Variants in PTPRM observed in about 807,000 individuals in gnomAD.
The protein encoded by PTPRM is receptor-type tyrosine-protein phosphatase mu.
In PTPRM, 47 loss-of-function variants were observed where a neutral mutation model predicts 186.7. The ratio of observed to expected loss-of-function variants is 0.25; its 90% CI spans 0.20 to 0.32. The LOEUF is 0.32. PTPRM is among the 10% of genes least tolerant of loss of function. The probability of loss-of-function intolerance (pLI) is 1.00; values close to 1 mark genes in which losing one functional copy is unlikely to be tolerated. For missense variants in PTPRM, 1,494 were observed against 1,865.0 expected, an observed-to-expected ratio of 0.80 and a Z score of 3.66; for synonymous variants, 668 against 674.9, an observed-to-expected ratio of 0.99 and a Z score of 0.16.
chr18:8,009,618 GA>G (rs1385510229), intron 7 of PTPRM, among the ~76,000 whole-genome samples: 1 of 152,134 alleles, frequency 6.6e-6, no homozygotes, highest in Non-Finnish European at 1.5e-5. Flanking sequence ...TGAGGCAGGA[GA>G]ATCGCTTGAA....
At chr18:7,629,040 A>G (rs1198002967) in intron 1 of PTPRM, among the ~76,000 whole-genome samples, 1 of 152,206 alleles carries the variant, frequency 6.6e-6, no homozygotes, top group Non-Finnish European at 1.5e-5. Context: ...GAGAAGTATC[A>G]TGGAACCACT....
chr18:8,386,856 A>G lies in PTPRM; in HGVS notation c.4045-216A>G, dbSNP rs909887615. ...AAGCATTCTGCCTCACTGGCCTGTC[A>G]TTTGTCTGGCCTGTCATTTAAAACC... is the stretch of plus-strand genomic sequence containing the variant. On this transcript the variant is annotated intron_variant, in intron 30 of 32. Coordinates refer to ENST00000580170, the MANE Select transcript of PTPRM (RefSeq NM_001105244.2). Among the ~76,000 whole-genome samples, 7 of 152,016 alleles carry G rather than the reference A, an allele frequency of 4.6e-5. No individual in the cohort carries two copies. The East Asian group carries it at 9.6e-4, about 21-fold the overall frequency.
chr18:7,683,563 C>G (rs980627725), intron 1 of PTPRM, among the ~76,000 whole-genome samples: 2 of 152,096 alleles, frequency 1.3e-5, no homozygotes, highest in African/African-American at 4.8e-5. Flanking sequence ...GGGAGATTGG[C>G]ATAGGAAGTT....
At chr18:8,389,835 C>T (rs955084222) in intron 31 of PTPRM, among the ~76,000 whole-genome samples, 1 of 152,138 alleles carries the variant, frequency 6.6e-6, no homozygotes, top group Non-Finnish European at 1.5e-5. Flanking sequence ...CGCCACCTAA[C>T]GGCTGTGGGT....
intron 2 of PTPRM, among the ~76,000 whole-genome samples, chr18:7,869,690 A>G (rs1015534525): frequency 1.3e-5 from 2 of 152,200 alleles, no homozygotes; most frequent in African/African-American, 4.8e-5. Flanking sequence ...AAGCTTCCCA[A>G]GGAAAGCAAT....
intron 31 of PTPRM, among the ~76,000 whole-genome samples, chr18:8,390,223 G>A (rs1298446736): frequency 1.3e-5 from 2 of 152,242 alleles, no homozygotes; most frequent in Non-Finnish European, 2.9e-5. Context: ...ACTGCAGTGG[G>A]TGGGGAAGAC....
rs752110255 is a variant in PTPRM, at chr18:8,126,027, A to ATT, written c.2167+11203_2167+11204dup. ...TATATATATATATATATATATATAT[A>ATT]TTTTAAATCAGTAGACCTTTCCATT... On this transcript the variant is annotated intron_variant, in intron 13 of 32. Transcript: ENST00000580170. Among the ~76,000 whole-genome samples the ATT allele has an allele frequency of 1.0e-4, 7 of 69,538 alleles. 1 individual carries two copies. The highest frequency in any genetic ancestry group is 5.5e-4 in the East Asian group (1 of 1,832). 45.6% of individuals were successfully genotyped at this position (69,538 alleles called of 152,430 possible). A position where few individuals can be genotyped will look rare whatever the true frequency, so the allele number is the denominator to read the frequency against.
At chr18:8,035,581 T>C (rs890789025) in intron 7 of PTPRM, among the ~76,000 whole-genome samples, 3 of 152,308 alleles carry the variant, frequency 2.0e-5, no homozygotes, top group South Asian at 4.1e-4. Context: ...TATTGTTTTT[T>C]TCCCCCAATA....
intron 5 of PTPRM, among the ~76,000 whole-genome samples, chr18:7,944,568 C>A (rs909643398): frequency 4.6e-5 from 7 of 152,282 alleles, no homozygotes; most frequent in African/African-American, 1.7e-4. Flanking sequence ...TTCCTTCTAG[C>A]CTTTTTACCT....
At chr18:8,323,259 C>CTCACTTCT (rs2095356635) in intron 22 of PTPRM, among the ~76,000 whole-genome samples, 1 of 152,150 alleles carries the variant, frequency 6.6e-6, no homozygotes, top group Non-Finnish European at 1.5e-5. Flanking sequence ...AGCATCCTTC[C>CTCACTTCT]TCACTTCTAA....
intron 7 of PTPRM, among the ~76,000 whole-genome samples, chr18:8,005,026 G>A (rs1347439465): frequency 6.6e-6 from 1 of 152,156 alleles, no homozygotes; most frequent in African/African-American, 2.4e-5. Context: ...TAAATGATGA[G>A]CATACACTAT....
chr18:7,794,721 T>C (rs2043526005), intron 2 of PTPRM, among the ~76,000 whole-genome samples: 1 of 152,216 alleles, frequency 6.6e-6, no homozygotes, highest in Admixed American at 6.5e-5. Context: ...GTAACTATAT[T>C]ACATTATAAT....
chr18:7,961,337 A>C (rs2053669317), intron 7 of PTPRM, among the ~76,000 whole-genome samples: 1 of 152,162 alleles, frequency 6.6e-6, no homozygotes, highest in South Asian at 2.1e-4. Context: ...CTATGGATTT[A>C]ACTATTTAGG....
intron 14 of PTPRM, among the ~76,000 whole-genome samples, chr18:8,195,933 G>GA (rs1432594739): frequency 2.0e-5 from 3 of 152,120 alleles, no homozygotes; most frequent in African/African-American, 4.8e-5. Flanking sequence ...CATCATATGA[G>GA]AAAAAATGAA....
At chr18:7,631,280 C>G (rs905972415) in intron 1 of PTPRM, among the ~76,000 whole-genome samples, 1 of 152,140 alleles carries the variant, frequency 6.6e-6, no homozygotes, top group Non-Finnish European at 1.5e-5. Flanking sequence ...ATTATGCAGT[C>G]TCATCAAAAC....
At chr18:8,086,763 A>G (rs910217442) in intron 10 of PTPRM, among the ~76,000 whole-genome samples, 3 of 152,144 alleles carry the variant, frequency 2.0e-5, no homozygotes, top group East Asian at 1.9e-4. Context: ...ATTCACAACT[A>G]GAGTATTGTA....
chr18:8,340,751 C>T (rs1339124134), intron 22 of PTPRM, among the ~76,000 whole-genome samples: 1 of 152,168 alleles, frequency 6.6e-6, no homozygotes, highest in Non-Finnish European at 1.5e-5. Context: ...GATGGTTATA[C>T]TGGAAGACGA....
chr18:7,983,316 T>A (rs917679333), intron 7 of PTPRM, among the ~76,000 whole-genome samples: 2 of 151,980 alleles, frequency 1.3e-5, no homozygotes, highest in Admixed American at 1.3e-4. Flanking sequence ...TGCCTGATGA[T>A]CTGAGGGGGA....
chr18:8,056,706 C>T (rs1005067323), intron 7 of PTPRM, among the ~76,000 whole-genome samples: 3 of 150,556 alleles, frequency 2.0e-5, no homozygotes, highest in Non-Finnish European at 2.9e-5. Context: ...ATCTGTCCTT[C>T]GGAGCCAGTA....
Sources: allele counts gnomAD v4.1 joint callset (sites outside exome capture counted in the v4.1 genomes callset), GRCh38; gene constraint gnomAD v4.1.1; transcripts MANE v1.5; gene names NCBI Gene and HGNC (gene_info 2026-07-23, HGNC 2026-07-21).